FBXO36: variants seen among roughly 807,000 people sequenced by gnomAD.
The protein encoded by FBXO36 is F-box protein 36, also known as F-box only protein 36.
Under a neutral mutation model 17.0 loss-of-function variants are expected in FBXO36, and 18 were observed. That is an observed-to-expected ratio of 1.06 (90% CI 0.73 to 1.57). The LOEUF (loss-of-function observed/expected upper bound fraction) is 1.57, where lower values mean the gene tolerates loss of function less well. FBXO36 is among the 40% of genes most tolerant of loss of function. The probability of loss-of-function intolerance (pLI) is 0.00; values close to 1 mark genes in which losing one functional copy is unlikely to be tolerated. For missense variants in FBXO36, 229 were observed against 221.9 expected (o/e 1.03, Z -0.20); for synonymous variants, 83 against 85.3 (o/e 0.97, Z 0.15).
Position 230,011,088 on chromosome 2 carries a change from A to G in FBXO36, c.*204A>G. On this transcript the variant is annotated 3_prime_UTR_variant, in exon 4 of 4. Coordinates refer to ENST00000283946, the MANE Select transcript of FBXO36 (RefSeq NM_174899.5). ...AGAGTCACCGTCATTCTGAGGTCAAATCATGGCCCGAGGACAAGGGCTGTA... is the reference window on the plus strand; with the variant it reads ...AGAGTCACCGTCATTCTGAGGTCAAGTCATGGCCCGAGGACAAGGGCTGTA... The G allele has an allele frequency of 3.7e-6, 2 of 539,112 alleles. No individual in the cohort carries two copies. Among genetic ancestry groups the G allele is most frequent in the Non-Finnish European group, 6.5e-6 (2 of 308,870 alleles). The allele number at this position is 539,112 out of a possible 1,614,324, so 33.4% of individuals were successfully genotyped here.
chr2:229,953,384 A>G (rs1216339382), intron 1 of FBXO36, among the ~76,000 whole-genome samples: 1 of 151,802 alleles, frequency 6.6e-6, no homozygotes, highest in Non-Finnish European at 1.5e-5. Context: ...AGTTAGAAAA[A>G]AAAATTTCTT....
intron 2 of FBXO36, among the ~76,000 whole-genome samples, chr2:229,987,750 C>T (rs2077276375): frequency 1.3e-5 from 2 of 152,130 alleles, no homozygotes; most frequent in African/African-American, 4.8e-5. Flanking sequence ...CCTGCCTCAG[C>T]TTCTGGAGTA....
intron 1 of FBXO36, among the ~76,000 whole-genome samples, chr2:229,951,884 G>C (rs2077059417): frequency 6.6e-6 from 1 of 152,146 alleles, no homozygotes; most frequent in Non-Finnish European, 1.5e-5. Context: ...TAAACACAAA[G>C]GACCCTGGAA....
At chr2:229,945,875 A>T (rs1214913452) in intron 1 of FBXO36, among the ~76,000 whole-genome samples, 1 of 151,960 alleles carries the variant, frequency 6.6e-6, no homozygotes, top group Non-Finnish European at 1.5e-5. Flanking sequence ...ATACAAAATT[A>T]GCCAGGCATG....
intron 1 of FBXO36, among the ~76,000 whole-genome samples, chr2:229,958,906 G>A (rs2077106239): frequency 1.3e-5 from 2 of 152,196 alleles, no homozygotes; most frequent in Admixed American, 1.3e-4. Context: ...AAAACATTGT[G>A]ACCAAGGCAT....
At chr2:229,984,526 C>T (rs1302004062) in intron 2 of FBXO36, among the ~76,000 whole-genome samples, 1 of 150,580 alleles carries the variant, frequency 6.6e-6, no homozygotes, top group Non-Finnish European at 1.5e-5. Flanking sequence ...GTAGCTGGGA[C>T]TACAGGCGCC....
At chr2:229,935,330 A>G (rs888041814) in intron 1 of FBXO36, among the ~76,000 whole-genome samples, 4 of 152,122 alleles carry the variant, frequency 2.6e-5, no homozygotes, top group African/African-American at 9.7e-5. Flanking sequence ...ACAGTTCACA[A>G]AAACACACCA....
rs193131644 is a variant in FBXO36 at position 229,993,916 on chromosome 2, C to T, written c.206-2835C>T. ...GACTACAGGCGCCCACCACCACGCC[C>T]GGCTAATTTTTTTTTTTTCTTTTTG... is the stretch of plus-strand genomic sequence containing the variant. On this transcript the variant is annotated intron_variant, in intron 2 of 3. Coordinates refer to ENST00000283946, the MANE Select transcript of FBXO36 (RefSeq NM_174899.5). Among the ~76,000 whole-genome samples the T allele has an allele frequency of 5.1e-3, 780 of 151,976 alleles. 5 individuals are homozygous for T. The highest frequency in any genetic ancestry group is 0.017 in the African/African-American group (723 of 41,468).
chr2:229,932,921 G>C, intron 1 of FBXO36: 1 of 310,664 alleles, frequency 3.2e-6, no homozygotes, highest in Non-Finnish European at 6.7e-6. Context: ...CTAAAAATTA[G>C]CCGGGCGTGG....
intron 2 of FBXO36, among the ~76,000 whole-genome samples, chr2:229,988,674 A>AGT: frequency 6.6e-6 from 1 of 152,028 alleles, no homozygotes; most frequent in Non-Finnish European, 1.5e-5. Flanking sequence ...AGCTGGGATT[A>AGT]CAGGCATGCA....
At position 229,954,234 on chromosome 2, in the gene FBXO36, A is replaced by ATTTTTTTTTTTTTTTTTTTTTTTT. The variant is rs60093081; in HGVS notation, c.97-22004_97-21981dup. On this transcript the variant is annotated intron_variant, in intron 1 of 3. Coordinates refer to ENST00000283946, the MANE Select transcript of FBXO36 (RefSeq NM_174899.5). ...GCAACTGTCATTACAAACCCTTTGG[A>ATTTTTTTTTTTTTTTTTTTTTTTT]TTTTTTTTTTTTTTTTTTTTTTTTT... Among the ~76,000 whole-genome samples, 59 of 71,402 alleles carry ATTTTTTTTTTTTTTTTTTTTTTTT rather than the reference A, an allele frequency of 8.3e-4. 16 individuals carry two copies. Among genetic ancestry groups the ATTTTTTTTTTTTTTTTTTTTTTTT allele is most frequent in the East Asian group, 1.4e-3 (3 of 2,130 alleles). 46.8% of individuals were successfully genotyped at this position (71,402 alleles called of 152,430 possible).
chr2:229,988,837 T>G (rs1321902707), intron 2 of FBXO36, among the ~76,000 whole-genome samples: 5 of 149,454 alleles, frequency 3.3e-5, no homozygotes, highest in Admixed American at 6.7e-5. Context: ...TGTTTTTTTT[T>G]TTTTTTGTTT....
intron 2 of FBXO36, chr2:229,976,581 G>A: frequency 3.0e-6 from 1 of 334,848 alleles, no homozygotes; most frequent in Non-Finnish European, 5.5e-6. Flanking sequence ...AACACTTTGG[G>A]AGGCCGAGGC....
chr2:229,922,599 C>A lies in FBXO36; in HGVS notation c.86C>A (p.Thr29Asn). ...AAAGACTATTACCAGTTACTGGTCA[C>A]CCGGTCTCAGGCAAGTGCGAGCCGC... ...PSKDYYQLLV[T>N]RSQVIFRWWK... The change falls in exon 1 of 4, where the codon ACC becomes AAC. Residue 29 changes from threonine to asparagine, a missense_variant. Thr to Asn is a moderately conservative substitution (Grantham distance 65, BLOSUM62 0). Transcript: ENST00000283946. 6.2e-7 allele frequency: 1 copy of A among 1,614,050 alleles called. No homozygotes were observed.
intron 1 of FBXO36, among the ~76,000 whole-genome samples, chr2:229,942,069 G>A (rs942486731): frequency 7.9e-5 from 12 of 152,124 alleles, no homozygotes; most frequent in African/African-American, 2.7e-4. Context: ...AAGACTGCGT[G>A]TCCTAACCTC....
chr2:229,941,020 A>T (rs1014740351), intron 1 of FBXO36, among the ~76,000 whole-genome samples: 7 of 152,006 alleles, frequency 4.6e-5, no homozygotes, highest in Non-Finnish European at 8.8e-5. Context: ...ATAAATCACC[A>T]TCTGTTTGGC....
intron 2 of FBXO36, 23 bp downstream of exon 2, chr2:229,976,372 T>C: frequency 1.3e-6 from 2 of 1,486,850 alleles, no homozygotes; most frequent in Non-Finnish European, 9.4e-7. Flanking sequence ...ACATATTATA[T>C]ACCCCTGTTA....
chr2:230,006,575 A>C (rs2077387947), intron 3 of FBXO36, among the ~76,000 whole-genome samples: 1 of 152,194 alleles, frequency 6.6e-6, no homozygotes, highest in South Asian at 2.1e-4. Flanking sequence ...ACACAGTGGT[A>C]GGTTCTGGGG....
intron 1 of FBXO36, among the ~76,000 whole-genome samples, chr2:229,946,172 G>A (rs1402622848): frequency 1.3e-5 from 2 of 152,144 alleles, no homozygotes; most frequent in Non-Finnish European, 2.9e-5. Context: ...ACTTCCATGG[G>A]ACATGTATGA....
Sources: allele counts gnomAD v4.1 joint callset (sites outside exome capture counted in the v4.1 genomes callset), GRCh38; gene constraint gnomAD v4.1.1; transcripts MANE v1.5; gene names NCBI Gene and HGNC (gene_info 2026-07-23, HGNC 2026-07-21).